The following EXOC6B variants were observed in gnomAD, a reference collection of about 807,000 sequenced individuals.
EXOC6B encodes the protein exocyst complex component 6B.
In EXOC6B, 54 loss-of-function variants were observed where a neutral mutation model predicts 113.5. That is an observed-to-expected ratio of 0.48 (90% CI 0.38 to 0.60). EXOC6B has a LOEUF of 0.60. Among genes scored for constraint, EXOC6B ranks in the 20% least tolerant of loss-of-function variants. The pLI is 0.00. For synonymous variants in EXOC6B, 357 were observed against 339.0 expected, an observed-to-expected ratio of 1.05 and a Z score of -0.58; for missense variants, 797 against 977.5, an observed-to-expected ratio of 0.82 and a Z score of 2.46.
At chr2:72,756,866 G>A (rs1682445940) in intron 1 of EXOC6B, among the ~76,000 whole-genome samples, 2 of 152,140 alleles carry the variant, frequency 1.3e-5, no homozygotes, top group Admixed American at 6.6e-5. Context: ...AGAGGAAGAG[G>A]AGAGTAAGAA....
chr2:72,281,082 T>C (rs1685098772), intron 20 of EXOC6B, among the ~76,000 whole-genome samples: 1 of 152,172 alleles, frequency 6.6e-6, no homozygotes, highest in Admixed American at 6.5e-5. Flanking sequence ...AAATGCACTA[T>C]GCTCCCAGTT....
intron 6 of EXOC6B, among the ~76,000 whole-genome samples, chr2:72,712,451 G>A (rs1679339151): frequency 6.6e-6 from 1 of 152,070 alleles, no homozygotes; most frequent in Non-Finnish European, 1.5e-5. Context: ...TCTCTCACCT[G>A]GAGCTCAGAG....
At chr2:72,643,680 G>T (rs1673448488) in intron 6 of EXOC6B, among the ~76,000 whole-genome samples, 1 of 148,478 alleles carries the variant, frequency 6.7e-6, no homozygotes, top group Non-Finnish European at 1.5e-5. Context: ...GAGTTAGTGG[G>T]TGCAGCACAC....
At chr2:72,289,775 A>C (rs183957539) in intron 20 of EXOC6B, among the ~76,000 whole-genome samples, 3 of 152,224 alleles carry the variant, frequency 2.0e-5, no homozygotes, top group Admixed American at 2.0e-4. Context: ...TCATGCCTTT[A>C]GTACCTGTAG....
At chr2:72,470,814 G>A (rs1371716739) in intron 17 of EXOC6B, among the ~76,000 whole-genome samples, 4 of 69,154 alleles carry the variant, frequency 5.8e-5, no homozygotes, top group Non-Finnish European at 7.6e-5. Flanking sequence ...ATTTTATGGC[G>A]CATAGTATTC....
chr2:72,413,461 G>A (rs1450429877), intron 18 of EXOC6B, among the ~76,000 whole-genome samples: 1 of 150,496 alleles, frequency 6.6e-6, no homozygotes, highest in Non-Finnish European at 1.5e-5. Context: ...GCCGAGGTGG[G>A]CAGATCACGA....
At chr2:72,564,058 A>G (rs1302599092) in intron 7 of EXOC6B, among the ~76,000 whole-genome samples, 1 of 152,182 alleles carries the variant, frequency 6.6e-6, no homozygotes, top group Non-Finnish European at 1.5e-5. Flanking sequence ...TAACTCTACC[A>G]GCTTTACTGC....
chr2:72,496,911 A>G (rs1421996062), intron 13 of EXOC6B, among the ~76,000 whole-genome samples: 3 of 149,990 alleles, frequency 2.0e-5, no homozygotes, highest in African/African-American at 4.9e-5. Context: ...AAAGGCAAAG[A>G]TATTTTCTGT....
At chr2:72,800,896 C>G (rs1685238663) in intron 1 of EXOC6B, among the ~76,000 whole-genome samples, 1 of 152,168 alleles carries the variant, frequency 6.6e-6, no homozygotes, top group Non-Finnish European at 1.5e-5. Flanking sequence ...AATGGACTTT[C>G]TCCATCTACC....
At chr2:72,485,057 A>G (rs1573230592) in intron 16 of EXOC6B, among the ~76,000 whole-genome samples, 1 of 152,296 alleles carries the variant, frequency 6.6e-6, no homozygotes, top group African/African-American at 2.4e-5. Flanking sequence ...GTCTTCCACA[A>G]TGGGTGAACT....
chr2:72,823,486 C>G (rs61309400), intron 1 of EXOC6B, among the ~76,000 whole-genome samples: 3 of 97,014 alleles, frequency 3.1e-5, no homozygotes, highest in South Asian at 6.6e-4. Context: ...AAACAAAAAA[C>G]AAAAAAAAAG....
intron 20 of EXOC6B, among the ~76,000 whole-genome samples, chr2:72,198,052 T>C (rs1313690790): frequency 2.0e-5 from 3 of 152,172 alleles, no homozygotes; most frequent in Admixed American, 1.3e-4. Context: ...CGTTCTCTCA[T>C]TGGCAGGGTA....
intron 18 of EXOC6B, among the ~76,000 whole-genome samples, chr2:72,435,582 G>A (rs1695804226): frequency 6.6e-6 from 1 of 152,104 alleles, no homozygotes; most frequent in South Asian, 2.1e-4. Flanking sequence ...TATGAATCTG[G>A]GTGCTCCTGT....
chr2:72,501,883 C>G (rs2105600227), intron 11 of EXOC6B, among the ~76,000 whole-genome samples: 2 of 151,982 alleles, frequency 1.3e-5, no homozygotes, highest in South Asian at 4.2e-4. Flanking sequence ...CCTCAGTACC[C>G]CCAAGTAGCT....
intron 20 of EXOC6B, 70 bp downstream of exon 20, chr2:72,334,877 C>A: frequency 6.9e-7 from 1 of 1,457,534 alleles, no homozygotes; most frequent in South Asian, 1.1e-5. Context: ...TTCCCCTTTT[C>A]CTTAAGACCT....
At chr2:72,823,214 G>A (rs1686677401) in intron 1 of EXOC6B, among the ~76,000 whole-genome samples, 2 of 147,092 alleles carry the variant, frequency 1.4e-5, no homozygotes, top group African/African-American at 5.0e-5. Context: ...CATATAGGAA[G>A]TCAAGAAAAG....
intron 1 of EXOC6B, among the ~76,000 whole-genome samples, chr2:72,792,920 ATT>A (rs911527268): frequency 6.6e-6 from 1 of 152,118 alleles, no homozygotes; most frequent in African/African-American, 2.4e-5. Flanking sequence ...ATTCTTAACT[ATT>A]TTACAAAGGG....
intron 18 of EXOC6B, among the ~76,000 whole-genome samples, chr2:72,429,381 C>A (rs540365949): frequency 6.4e-4 from 97 of 152,260 alleles, no homozygotes; most frequent in African/African-American, 2.2e-3. Context: ...AGCAAACAGG[C>A]CTCCTTTTAC....
intron 18 of EXOC6B, among the ~76,000 whole-genome samples, chr2:72,427,789 G>C (rs924019583): frequency 6.6e-6 from 1 of 152,162 alleles, no homozygotes; most frequent in Non-Finnish European, 1.5e-5. Context: ...TGGGGGCTAG[G>C]CTGGCAGTCC....
Sources: allele counts gnomAD v4.1 joint callset (sites outside exome capture counted in the v4.1 genomes callset), GRCh38; gene constraint gnomAD v4.1.1; transcripts MANE v1.5; gene names NCBI Gene and HGNC (gene_info 2026-07-23, HGNC 2026-07-21).